PIK3C2A: variants seen among roughly 807,000 people sequenced by gnomAD.
PIK3C2A encodes phosphatidylinositol-4-phosphate 3-kinase catalytic subunit type 2 alpha.
Under a neutral mutation model 204.5 loss-of-function variants are expected in PIK3C2A, and 97 were observed. The observed-to-expected ratio is 0.47, with a 90% confidence interval of 0.40 to 0.56. PIK3C2A has a LOEUF of 0.56. PIK3C2A is among the 20% of genes least tolerant of loss of function. The pLI is 0.00. For synonymous variants in PIK3C2A, 653 were observed against 664.4 expected (o/e 0.98, Z 0.26); for missense variants, 1,735 against 1,969.2 (o/e 0.88, Z 2.25).
In PIK3C2A at chr11:17,099,945, G is replaced by T. The variant is rs751511399; in HGVS notation, c.4033C>A (p.Leu1345Ile). The T allele has an allele frequency of 6.3e-7, 1 of 1,576,452 alleles. No homozygotes were observed. The highest frequency in any genetic ancestry group is 1.7e-5 in the Admixed American group (1 of 59,564). The change falls in exon 26 of 33, where the codon CTT (leucine) becomes ATT (isoleucine). Residue 1345 changes from leucine to isoleucine, a missense_variant. Physicochemically the swap from Leu to Ile is conservative, Grantham distance 5. Around this residue, in one of 6 missense-constraint regions of PIK3C2A, gnomAD observed 503 missense variants for 669.0 expected, o/e 0.75. Coordinates refer to ENST00000691414, the MANE Select transcript of PIK3C2A (RefSeq NM_002645.4). The part of the protein sequence containing the change: ...SLMIPSGLPE[L>I]TSIQDLKYVR... ...TATTTCAAATCTTGAATACTTGTAA[G>T]TTCTGGTAACCCTGAAGGAATCATC...
At chr11:17,186,664 A>G (rs1409522273) in intron 1 of PIK3C2A, among the ~76,000 whole-genome samples, 3 of 152,260 alleles carry the variant, frequency 2.0e-5, no homozygotes, top group South Asian at 2.1e-4. Flanking sequence ...AAAAAAATCC[A>G]TATGTATATC....
intron 1 of PIK3C2A, among the ~76,000 whole-genome samples, chr11:17,204,678 A>G (rs1480395294): frequency 6.6e-6 from 1 of 152,128 alleles, no homozygotes; most frequent in East Asian, 1.9e-4. Flanking sequence ...GCACTGTCTC[A>G]TTCATTTTTC....
At chr11:17,204,613 T>C (rs542031575) in intron 1 of PIK3C2A, among the ~76,000 whole-genome samples, 2 of 152,280 alleles carry the variant, frequency 1.3e-5, no homozygotes, top group South Asian at 4.2e-4. Context: ...CTTATAATTA[T>C]ACTGTTATAA....
chr11:17,170,856 C>CA (rs1851133313), intron 1 of PIK3C2A, among the ~76,000 whole-genome samples: 1 of 152,134 alleles, frequency 6.6e-6, no homozygotes, highest in African/African-American at 2.4e-5. Context: ...GTAATCTCAG[C>CA]ACTTTGGGAG....
intron 1 of PIK3C2A, among the ~76,000 whole-genome samples, chr11:17,201,232 G>A (rs1295717531): frequency 6.7e-6 from 1 of 148,836 alleles, no homozygotes; most frequent in Non-Finnish European, 1.5e-5. Context: ...AATAAGCCTT[G>A]AAAACCCCTC....
At chr11:17,104,959 T>G (rs1000758411) in intron 23 of PIK3C2A, among the ~76,000 whole-genome samples, 1 of 152,086 alleles carries the variant, frequency 6.6e-6, no homozygotes, top group Non-Finnish European at 1.5e-5. Context: ...TGGAAATTTT[T>G]GGGGGTGTAA....
chr11:17,102,746 A>G lies in PIK3C2A; in HGVS notation c.3767T>C (p.Ile1256Thr). The change falls in exon 24 of 33, where the codon ATA (isoleucine) becomes ACA (threonine). Residue 1256 changes from isoleucine to threonine, a missense_variant. Coordinates refer to ENST00000691414, the MANE Select transcript of PIK3C2A (RefSeq NM_002645.4). ...LGICDRHNDN[I>T]MLRSTGHMFH... ...CATGTGTCCCGTGCTTCGAAGCATT[A>G]TATTGTCATTGTGTCGATCACAGAT... 6.2e-7 allele frequency: 1 copy of G among 1,613,724 alleles called. No individual in the cohort carries two copies. The highest frequency in any genetic ancestry group is 8.5e-7 in the Non-Finnish European group (1 of 1,179,680).
chr11:17,145,242 A>G (rs1453824103), intron 8 of PIK3C2A, among the ~76,000 whole-genome samples: 2 of 152,188 alleles, frequency 1.3e-5, no homozygotes, highest in African/African-American at 4.8e-5. Context: ...CCAGGGGCAC[A>G]ATGATGTGGT....
At chr11:17,206,530 A>C (rs1591037952) in intron 1 of PIK3C2A, among the ~76,000 whole-genome samples, 1 of 150,146 alleles carries the variant, frequency 6.7e-6, no homozygotes, top group African/African-American at 2.5e-5. Context: ...AAAAAAAAGC[A>C]CCATTCTGCT....
chr11:17,108,755 C>T (rs1590915346), intron 22 of PIK3C2A, among the ~76,000 whole-genome samples: 1 of 152,244 alleles, frequency 6.6e-6, no homozygotes. Context: ...TATGCCCACC[C>T]TTTTGTATTC....
intron 20 of PIK3C2A, 91 bp from the exon 21 acceptor site, chr11:17,112,757 CCTTT>C (rs1204484659): frequency 1.1e-5 from 6 of 546,076 alleles, no homozygotes; most frequent in East Asian, 3.1e-5. Flanking sequence ...TTCACTTCTT[CCTTT>C]GTGTCTTGTT....
intron 1 of PIK3C2A, among the ~76,000 whole-genome samples, chr11:17,190,501 G>A (rs1172577810): frequency 2.0e-5 from 3 of 151,268 alleles, no homozygotes; most frequent in African/African-American, 7.3e-5. Flanking sequence ...AACCCAGGAG[G>A]CAGAGGTTGC....
chr11:17,193,857 GAA>G (rs1375469650), intron 1 of PIK3C2A: 1 of 72,152 alleles, frequency 1.4e-5, no homozygotes, highest in African/African-American at 5.8e-5. Flanking sequence ...AAAAAGAAAA[GAA>G]AAGAAAAGAA....
chr11:17,156,653 G>A (rs941971291), intron 2 of PIK3C2A, among the ~76,000 whole-genome samples: 1 of 152,178 alleles, frequency 6.6e-6, no homozygotes, highest in Non-Finnish European at 1.5e-5. Flanking sequence ...AGATGATTCT[G>A]TGTGAGAAAA....
intron 8 of PIK3C2A, among the ~76,000 whole-genome samples, chr11:17,140,933 G>C (rs1181531254): frequency 6.6e-6 from 1 of 152,268 alleles, no homozygotes; most frequent in South Asian, 2.1e-4. Context: ...TTAAAAAAGT[G>C]TAAGGGTGAG....
chr11:17,164,262 G>T (rs1202357057), intron 2 of PIK3C2A, among the ~76,000 whole-genome samples: 1 of 149,994 alleles, frequency 6.7e-6, no homozygotes, highest in Non-Finnish European at 1.5e-5. Flanking sequence ...TGCATTAGAA[G>T]AATCACTTGA....
intron 1 of PIK3C2A, chr11:17,194,262 C>A: frequency 3.1e-6 from 1 of 323,958 alleles, no homozygotes; most frequent in Non-Finnish European, 5.8e-6. Context: ...TCAGTTCCAG[C>A]TCAGGTTCGC....
intron 3 of PIK3C2A, among the ~76,000 whole-genome samples, chr11:17,152,986 T>C (rs1850468551): frequency 6.6e-6 from 1 of 152,156 alleles, no homozygotes; most frequent in Non-Finnish European, 1.5e-5. Flanking sequence ...AAGATACTAG[T>C]ATAGGATATA....
chr11:17,150,883 T>C (rs1374089440), intron 3 of PIK3C2A, among the ~76,000 whole-genome samples: 1 of 152,150 alleles, frequency 6.6e-6, no homozygotes, highest in Non-Finnish European at 1.5e-5. Flanking sequence ...TGCCAGGATA[T>C]CTTTGGTAAC....
Sources: gnomAD v4.1 joint callset for allele counts (sites outside exome capture counted in the v4.1 genomes callset) on GRCh38, gnomAD v4.1.1 for gene constraint, gnomAD v4.1.1 regional missense constraint, MANE v1.5 for transcripts, NCBI Gene and HGNC (gene_info 2026-07-23, HGNC 2026-07-21) for gene names.